Variants in IGF1R observed in about 807,000 individuals in gnomAD.
IGF1R encodes insulin like growth factor 1 receptor, also known as insulin-like growth factor 1 receptor.
Under a neutral mutation model 144.6 loss-of-function variants are expected in IGF1R, and 44 were observed. That is an observed-to-expected ratio of 0.30 (90% CI 0.24 to 0.39). IGF1R has a LOEUF of 0.39. Among genes scored for constraint, IGF1R ranks in the 10% least tolerant of loss-of-function variants. The pLI is 1.00. For missense variants in IGF1R, 1,355 were observed against 1,833.7 expected, an observed-to-expected ratio of 0.74 and a Z score of 4.77; for synonymous variants, 795 against 722.8, an observed-to-expected ratio of 1.10 and a Z score of -1.60.
intron 2 of IGF1R, among the ~76,000 whole-genome samples, chr15:98,723,980 A>C (rs1299966742): frequency 6.6e-6 from 1 of 152,236 alleles, no homozygotes. Flanking sequence ...AAATTTAATT[A>C]GCAGATAGGA....
At chr15:98,685,141 C>A (rs2053294198) in intron 1 of IGF1R, among the ~76,000 whole-genome samples, 1 of 151,816 alleles carries the variant, frequency 6.6e-6, no homozygotes, top group Non-Finnish European at 1.5e-5. Flanking sequence ...ATGGGAGTCT[C>A]ACTATGTTGC....
chr15:98,852,746 C>T (rs2011591651), intron 2 of IGF1R, among the ~76,000 whole-genome samples: 3 of 152,210 alleles, frequency 2.0e-5, no homozygotes, highest in Admixed American at 6.5e-5. Context: ...GTTGTAAACA[C>T]GTTTCCCTCC....
At position 98,698,444 on chromosome 15, in the gene IGF1R, T is replaced by C. The variant is rs2053648302; in HGVS notation, c.95-9118T>C. Among the ~76,000 whole-genome samples the C allele has an allele frequency of 2.0e-5, 3 of 152,218 alleles. No homozygotes were observed. In the South Asian group the frequency reaches 6.2e-4, roughly 31 times the overall value. On this transcript the variant is annotated intron_variant, in intron 1 of 20. Coordinates refer to ENST00000650285, the MANE Select transcript of IGF1R (RefSeq NM_000875.5). The stretch of plus-strand genomic sequence containing the variant: ...TTGAAAAACGGAAACTCTGTACCCA[T>C]TAATAACTCCCATTCTCTCCTACCA...
At chr15:98,866,172 C>T (rs1262398466) in intron 2 of IGF1R, among the ~76,000 whole-genome samples, 1 of 152,176 alleles carries the variant, frequency 6.6e-6, no homozygotes, top group East Asian at 1.9e-4. Context: ...ACTCAGAGCC[C>T]AAATCTCAGC....
At chr15:98,827,295 G>A (rs1264322754) in intron 2 of IGF1R, among the ~76,000 whole-genome samples, 1 of 152,166 alleles carries the variant, frequency 6.6e-6, no homozygotes, top group Non-Finnish European at 1.5e-5. Context: ...ATCCGAGGAG[G>A]GATTCTGCAC....
intron 20 of IGF1R, among the ~76,000 whole-genome samples, chr15:98,950,988 G>A (rs1028518676): frequency 6.6e-6 from 1 of 152,360 alleles, no homozygotes; most frequent in East Asian, 1.9e-4. Context: ...GGGTGGGGAA[G>A]ACTGGATACA....
chr15:98,735,027 T>C (rs1008368653), intron 2 of IGF1R, among the ~76,000 whole-genome samples: 1 of 152,154 alleles, frequency 6.6e-6, no homozygotes, highest in African/African-American at 2.4e-5. Flanking sequence ...TGTGAGACCC[T>C]GAAAGGTCCT....
At chr15:98,766,899 T>C (rs145444574) in intron 2 of IGF1R, among the ~76,000 whole-genome samples, 216 of 152,338 alleles carry the variant, frequency 1.4e-3, no homozygotes, top group African/African-American at 5.1e-3. Flanking sequence ...CACAAATTGA[T>C]GTTTCTGTTT....
intron 2 of IGF1R, among the ~76,000 whole-genome samples, chr15:98,884,537 A>G (rs2013541503): frequency 6.6e-6 from 1 of 152,040 alleles, no homozygotes; most frequent in African/African-American, 2.4e-5. Flanking sequence ...TGCTAAAAAT[A>G]CAAAAAATTA....
At chr15:98,762,238 CTTTT>C (rs5814898) in intron 2 of IGF1R, among the ~76,000 whole-genome samples, 1 of 95,826 alleles carries the variant, frequency 1.0e-5, no homozygotes, top group Admixed American at 1.1e-4. Context: ...CTTTTCTTTT[CTTTT>C]TTTTTTTTTT....
At chr15:98,889,103 C>G (rs763651088) in intron 2 of IGF1R, among the ~76,000 whole-genome samples, 1 of 152,178 alleles carries the variant, frequency 6.6e-6, no homozygotes, top group Non-Finnish European at 1.5e-5. Context: ...ACAAGGAAGG[C>G]TGGGAGATGT....
At position 98,915,004 on chromosome 15, in the gene IGF1R, A is replaced by G. The variant is rs2015181828; in HGVS notation, c.1829-960A>G. Among the ~76,000 whole-genome samples the G allele has an allele frequency of 2.0e-5, 3 of 152,218 alleles. 1 individual carries two copies. The highest frequency in any genetic ancestry group is 4.1e-4 in the South Asian group (2 of 4,832). ...ATGTTCAGAACCTTGTGTGTATCGTATAACCTGGAGCACCCTCAAGCTGTC... is the reference window on the plus strand; with the variant it reads ...ATGTTCAGAACCTTGTGTGTATCGTGTAACCTGGAGCACCCTCAAGCTGTC... On this transcript the variant is annotated intron_variant, in intron 8 of 20. Coordinates refer to ENST00000650285, the MANE Select transcript of IGF1R (RefSeq NM_000875.5).
At chr15:98,661,197 C>T (rs1222108321) in intron 1 of IGF1R, among the ~76,000 whole-genome samples, 1 of 152,184 alleles carries the variant, frequency 6.6e-6, no homozygotes, top group African/African-American at 2.4e-5. Flanking sequence ...TTTTGCCTCA[C>T]TCCTGGGAGG....
At chr15:98,729,874 G>C (rs940574687) in intron 2 of IGF1R, among the ~76,000 whole-genome samples, 1 of 152,168 alleles carries the variant, frequency 6.6e-6, no homozygotes, top group African/African-American at 2.4e-5. Context: ...CCTGGATAAG[G>C]TTTGCCCTGC....
chr15:98,889,295 A>T (rs1848167993), intron 2 of IGF1R, among the ~76,000 whole-genome samples: 1 of 152,218 alleles, frequency 6.6e-6, no homozygotes, highest in Non-Finnish European at 1.5e-5. Flanking sequence ...ATTCATTTGC[A>T]TGTCCAAGTT....
intron 1 of IGF1R, among the ~76,000 whole-genome samples, chr15:98,652,840 G>T (rs1289008143): frequency 1.3e-5 from 2 of 151,988 alleles, no homozygotes; most frequent in Admixed American, 1.3e-4. Context: ...AGTTTGTGGC[G>T]ATGGCTGCAT....
chr15:98,701,346 T>C lies in IGF1R; in HGVS notation c.95-6216T>C, dbSNP rs948302623. On this transcript the variant is annotated intron_variant, in intron 1 of 20. Transcript: ENST00000650285. The stretch of plus-strand genomic sequence containing the variant: ...CTCATTTTTTTTTTTTTTTTTTTTT[T>C]TTTTTTTTGAGATGGAGTCTCGTTC... 3.2e-4 allele frequency among the ~76,000 whole-genome samples: 39 copies of C among 121,964 alleles called. 2 individuals are homozygous for C. Among genetic ancestry groups the C allele is most frequent in the Non-Finnish European group, 1.9e-4 (11 of 58,856 alleles). The allele number at this position is 121,964 out of a possible 152,430, so 80.0% of individuals were successfully genotyped here.
intron 1 of IGF1R, among the ~76,000 whole-genome samples, chr15:98,702,033 G>T (rs201582136): frequency 2.0e-4 from 22 of 108,696 alleles, no homozygotes; most frequent in Admixed American, 4.2e-4. Flanking sequence ...GAGTCACGCT[G>T]TTTTTTTTTT....
intron 1 of IGF1R, among the ~76,000 whole-genome samples, chr15:98,675,593 T>A (rs1375123980): frequency 1.3e-5 from 2 of 152,224 alleles, no homozygotes; most frequent in Non-Finnish European, 2.9e-5. Context: ...GTCTCTTCAT[T>A]ATGATCTTCC....
Sources: allele counts gnomAD v4.1 joint callset (sites outside exome capture counted in the v4.1 genomes callset), GRCh38; gene constraint gnomAD v4.1.1; transcripts MANE v1.5; gene names NCBI Gene and HGNC (gene_info 2026-07-23, HGNC 2026-07-21).